The following ZNF423 variants were observed in gnomAD, a reference collection of about 807,000 sequenced individuals.
ZNF423 encodes the protein zinc finger protein 423.
In ZNF423, 12 loss-of-function variants were observed where a neutral mutation model predicts 95.8. The ratio of observed to expected loss-of-function variants is 0.13; its 90% confidence interval spans 0.08 to 0.20. ZNF423 has a LOEUF of 0.20. Ranked by LOEUF, ZNF423 falls within the 10% of genes least tolerant of loss-of-function variation. ZNF423 has a pLI of 1.00. For missense variants in ZNF423, 1,316 were observed against 1,737.1 expected (o/e 0.76, Z 4.31); for synonymous variants, 749 against 711.9 (o/e 1.05, Z -0.83).
intron 1 of ZNF423, chr16:49,822,771 G>A: frequency 6.4e-7 from 1 of 1,558,380 alleles, no homozygotes; most frequent in African/African-American, 1.4e-5. Flanking sequence ...TCTTATTGCA[G>A]GCTAGTAAGC....
chr16:49,565,735 C>A (rs188432760), intron 5 of ZNF423, among the ~76,000 whole-genome samples: 2 of 152,260 alleles, frequency 1.3e-5, no homozygotes. Context: ...GAAATGCTTG[C>A]CAAATATTAA....
intron 5 of ZNF423, among the ~76,000 whole-genome samples, chr16:49,529,560 G>A (rs951530141): frequency 2.6e-5 from 4 of 152,158 alleles, no homozygotes; most frequent in East Asian, 3.9e-4. Flanking sequence ...GAAGAGCATC[G>A]TGCCGAGATG....
chr16:49,635,722 G>A lies in ZNF423; in HGVS notation c.3454C>T (p.Arg1152Cys), dbSNP rs774292686. The change falls in exon 4 of 8, where the codon CGT (arginine) becomes TGT (cysteine). Residue 1152 changes from arginine to cysteine, a missense_variant. Arg to Cys is a radical substitution (Grantham distance 180). Around this residue, in one of 6 missense-constraint regions of ZNF423, gnomAD observed 620 missense variants for 775.6 expected, o/e 0.80. Transcript: ENST00000563137. The surrounding 1 kb of genome is among the most constrained non-coding windows in gnomAD (Gnocchi z 4.8). ...CCACTGGTCTCCGGCGTGAGGTCAC[G>A]GTGGTCCACCTGCATGTGGCTCTCC... ...DLESHMQVDH[R>C]DLTPETSGPR... is the part of the protein sequence containing the mutation. The A allele has an allele frequency of 1.7e-5, 27 of 1,610,208 alleles. No homozygotes were observed. Among genetic ancestry groups the A allele is most frequent in the Admixed American group, 5.1e-5 (3 of 59,064 alleles).
chr16:49,595,522 CA>C (rs1971154290), intron 5 of ZNF423, among the ~76,000 whole-genome samples: 1 of 152,328 alleles, frequency 6.6e-6, no homozygotes, highest in South Asian at 2.1e-4. Context: ...GAGGGATTCA[CA>C]GGTAAGAATT....
chr16:49,577,164 G>A (rs1241653396), intron 5 of ZNF423, among the ~76,000 whole-genome samples: 1 of 152,200 alleles, frequency 6.6e-6, no homozygotes, highest in Non-Finnish European at 1.5e-5. Context: ...GGTCCCTGCA[G>A]GAGCGGTGCT....
chr16:49,729,375 T>A (rs1326811078), intron 3 of ZNF423, among the ~76,000 whole-genome samples: 2 of 152,170 alleles, frequency 1.3e-5, no homozygotes, highest in Admixed American at 6.5e-5. Flanking sequence ...AATAGCTCAG[T>A]GTCCAGAGGA....
intron 2 of ZNF423, among the ~76,000 whole-genome samples, chr16:49,785,863 CAGG>C (rs1422132496): frequency 6.6e-6 from 1 of 152,220 alleles, no homozygotes; most frequent in Non-Finnish European, 1.5e-5. Context: ...CCTGGCAAGG[CAGG>C]AGAAGTTGGG....
intron 3 of ZNF423, among the ~76,000 whole-genome samples, chr16:49,652,630 AC>A (rs1157133758): frequency 6.6e-6 from 1 of 152,228 alleles, no homozygotes; most frequent in Admixed American, 6.5e-5. Flanking sequence ...TCATGAAGCA[AC>A]ACCGCCAAGG....
chr16:49,675,138 G>C (rs576135740), intron 3 of ZNF423, among the ~76,000 whole-genome samples: 1 of 152,136 alleles, frequency 6.6e-6, no homozygotes, highest in Non-Finnish European at 1.5e-5. Context: ...ATTTATAGCT[G>C]GTCTACTAAC....
At chr16:49,782,204 A>T (rs1268087434) in intron 2 of ZNF423, among the ~76,000 whole-genome samples, 1 of 152,222 alleles carries the variant, frequency 6.6e-6, no homozygotes, top group East Asian at 1.9e-4. Context: ...CTCCTCTAAA[A>T]CAAGGCATGG....
intron 3 of ZNF423, among the ~76,000 whole-genome samples, chr16:49,712,376 G>A (rs924298976): frequency 6.6e-6 from 1 of 152,092 alleles, no homozygotes; most frequent in East Asian, 1.9e-4. Flanking sequence ...TCTTAGGAAT[G>A]TCCAGAGGGG....
intron 5 of ZNF423, among the ~76,000 whole-genome samples, chr16:49,595,212 G>T (rs1203113453): frequency 2.0e-5 from 3 of 152,222 alleles, no homozygotes; most frequent in Non-Finnish European, 4.4e-5. Flanking sequence ...CAAAAGAGGG[G>T]CTCAAGAAGT....
intron 5 of ZNF423, among the ~76,000 whole-genome samples, chr16:49,610,646 A>T (rs1971694139): frequency 6.6e-6 from 1 of 152,082 alleles, no homozygotes; most frequent in Admixed American, 6.5e-5. Context: ...AAAATATAAA[A>T]TGGCAGACTG....
intron 2 of ZNF423, among the ~76,000 whole-genome samples, chr16:49,739,167 T>C (rs2033357958): frequency 6.6e-6 from 1 of 152,102 alleles, no homozygotes; most frequent in Admixed American, 6.5e-5. Flanking sequence ...CTCATTTAAT[T>C]AAGTCACATA....
intron 5 of ZNF423, among the ~76,000 whole-genome samples, chr16:49,607,963 T>G (rs377673244): frequency 6.6e-6 from 1 of 152,178 alleles, no homozygotes; most frequent in African/African-American, 2.4e-5. Context: ...CCAACTCCCA[T>G]GACAACTTTT....
intron 7 of ZNF423, among the ~76,000 whole-genome samples, chr16:49,503,027 C>T (rs115873679): frequency 0.015 from 2,222 of 151,842 alleles, 33 homozygotes; most frequent in African/African-American, 0.044. Context: ...CCCCACAACC[C>T]CATGCAGGTA....
chr16:49,513,751 C>T (rs1486293607), intron 7 of ZNF423, among the ~76,000 whole-genome samples: 1 of 152,102 alleles, frequency 6.6e-6, no homozygotes, highest in Non-Finnish European at 1.5e-5. Context: ...GACGTAGTGA[C>T]TTACAATCCA....
intron 1 of ZNF423, among the ~76,000 whole-genome samples, chr16:49,805,979 C>A (rs987688863): frequency 3.3e-5 from 5 of 152,218 alleles, no homozygotes; most frequent in Non-Finnish European, 1.5e-5. Context: ...ACAGGGAGGG[C>A]CCCCGGCCTC....
chr16:49,587,365 T>C (rs1970875502), intron 5 of ZNF423, among the ~76,000 whole-genome samples: 1 of 152,130 alleles, frequency 6.6e-6, no homozygotes, highest in African/African-American at 2.4e-5. Flanking sequence ...TTTGGCAAAA[T>C]AACCTGAGGT....
Sources: gnomAD v4.1 joint callset for allele counts (sites outside exome capture counted in the v4.1 genomes callset) on GRCh38, gnomAD v4.1.1 for gene constraint, gnomAD v4.1.1 regional missense constraint, Gnocchi (gnomAD v3.1) non-coding constraint, MANE v1.5 for transcripts, NCBI Gene and HGNC (gene_info 2026-07-23, HGNC 2026-07-21) for gene names.